Variants in KIF2A observed in about 807,000 individuals in gnomAD.
The protein encoded by KIF2A is kinesin-like protein KIF2A.
Under a neutral mutation model 100.2 loss-of-function variants are expected in KIF2A, and 22 were observed. That is an observed-to-expected ratio of 0.22 (90% confidence interval 0.16 to 0.31). KIF2A has a LOEUF of 0.31. Ranked by LOEUF, KIF2A falls within the 10% of genes least tolerant of loss-of-function variation. The pLI is 1.00. For missense variants in KIF2A, 495 were observed against 898.7 expected (o/e 0.55, Z 5.74); for synonymous variants, 268 against 285.9 (o/e 0.94, Z 0.63).
At chr5:62,313,178 T>C (rs888985339) in intron 1 of KIF2A, among the ~76,000 whole-genome samples, 4 of 152,232 alleles carry the variant, frequency 2.6e-5, no homozygotes, top group Non-Finnish European at 1.5e-5. Flanking sequence ...TTAGTACTGA[T>C]AGAAATATGC....
At chr5:62,310,898 T>G (rs1745522268) in intron 1 of KIF2A, among the ~76,000 whole-genome samples, 1 of 152,138 alleles carries the variant, frequency 6.6e-6, no homozygotes, top group Non-Finnish European at 1.5e-5. Context: ...TGTTAACAGT[T>G]CTGTAGTAGC....
chr5:62,353,301 G>T lies in KIF2A; in HGVS notation c.484G>T (p.Glu162Ter). The T allele has an allele frequency of 6.3e-7, 1 of 1,578,958 alleles. No homozygotes were observed. Among genetic ancestry groups the T allele is most frequent in the Non-Finnish European group, 8.6e-7 (1 of 1,166,170 alleles). The change falls in exon 6 of 21, where the codon GAA becomes TAA. Residue 162 changes from glutamate to a stop codon, truncating the protein, a stop_gained. Coordinates refer to ENST00000407818, the MANE Select transcript of KIF2A (RefSeq NM_001098511.3). LOFTEE classifies it high-confidence loss of function. ...ACGTAGAAAATCTAATTGTGTGAAAGAAGTAGAAAAACTGCAAGAAAAACG... is the reference window on the plus strand; with the variant it reads ...ACGTAGAAAATCTAATTGTGTGAAATAAGTAGAAAAACTGCAAGAAAAACG... ...PSRRKSNCVK[E>*]VEKLQEKREK... is the part of the protein sequence containing the mutation.
intron 1 of KIF2A, among the ~76,000 whole-genome samples, chr5:62,336,794 T>G (rs556729085): frequency 1.3e-5 from 2 of 152,154 alleles, no homozygotes; most frequent in African/African-American, 4.8e-5. Flanking sequence ...ATAGCAGAAA[T>G]TAAGTACATA....
At chr5:62,322,329 C>T (rs558818946) in intron 1 of KIF2A, among the ~76,000 whole-genome samples, 1 of 152,222 alleles carries the variant, frequency 6.6e-6, no homozygotes, top group East Asian at 1.9e-4. Flanking sequence ...TGAGGGTTGT[C>T]TTTTCCCTTT....
chr5:62,336,580 G>A (rs1168081874), intron 1 of KIF2A, among the ~76,000 whole-genome samples: 2 of 152,082 alleles, frequency 1.3e-5, no homozygotes, highest in African/African-American at 4.8e-5. Flanking sequence ...TAGAAAAATA[G>A]GTGGAACTGA....
chr5:62,384,776 T>A (rs1472755806), intron 20 of KIF2A, among the ~76,000 whole-genome samples: 1 of 152,058 alleles, frequency 6.6e-6, no homozygotes, highest in Non-Finnish European at 1.5e-5. Context: ...CAATCCCCCT[T>A]CCTCACAGTG....
chr5:62,361,881 G>C (rs1326776048), intron 11 of KIF2A, among the ~76,000 whole-genome samples: 1 of 151,764 alleles, frequency 6.6e-6, no homozygotes, highest in Non-Finnish European at 1.5e-5. Flanking sequence ...AAAAAACTTA[G>C]CCAGGCGTGG....
At chr5:62,381,706 A>G (rs1459747516) in intron 20 of KIF2A, among the ~76,000 whole-genome samples, 1 of 152,210 alleles carries the variant, frequency 6.6e-6, no homozygotes, top group African/African-American at 2.4e-5. Context: ...CTGGGACTAC[A>G]GGCGCAAGCC....
chr5:62,311,030 T>TA (rs1453081074), intron 1 of KIF2A, among the ~76,000 whole-genome samples: 1 of 152,188 alleles, frequency 6.6e-6, no homozygotes, highest in Non-Finnish European at 1.5e-5. Flanking sequence ...ACTGTATTGA[T>TA]ACATGTAATC....
At chr5:62,356,247 C>T (rs78993869) in intron 7 of KIF2A, among the ~76,000 whole-genome samples, 7 of 152,322 alleles carry the variant, frequency 4.6e-5, no homozygotes, top group African/African-American at 1.7e-4. Context: ...TTGTATCCCA[C>T]ATATTTTAGG....
chr5:62,352,906 A>C (rs554591402), intron 5 of KIF2A, 196 bp downstream of exon 5: 8 of 460,382 alleles, frequency 1.7e-5, no homozygotes, highest in Admixed American at 8.5e-5. Context: ...TTGGAGCAAA[A>C]ATTTTTTTGT....
At chr5:62,375,784 G>C (rs1445456109) in intron 18 of KIF2A, among the ~76,000 whole-genome samples, 1 of 152,126 alleles carries the variant, frequency 6.6e-6, no homozygotes, top group Non-Finnish European at 1.5e-5. Context: ...CACAACTAAG[G>C]TGATGCTGCT....
At chr5:62,365,487 A>T in intron 15 of KIF2A, 134 bp downstream of exon 15, 1 of 536,152 alleles carries the variant, frequency 1.9e-6, no homozygotes, top group Non-Finnish European at 3.3e-6. Context: ...GATATTTAAG[A>T]TGTGGTCCCT....
In KIF2A at chr5:62,390,918, C is replaced by T; in HGVS notation, c.*5349C>T. On this transcript the variant is annotated 3_prime_UTR_variant, in exon 21 of 21. Coordinates refer to ENST00000407818, the MANE Select transcript of KIF2A (RefSeq NM_001098511.3). ...GTCCATGGAACGGGCCCGTTTGTCA[C>T]TAAAACCTGTGCTGGTTAGGATTTG... 6.2e-7 allele frequency: 1 copy of T among 1,612,296 alleles called. No individual in the cohort carries two copies. Among genetic ancestry groups the T allele is most frequent in the East Asian group, 2.2e-5 (1 of 44,874 alleles).
Position 62,376,568 on chromosome 5 carries a change from C to T in KIF2A, c.1912-1093C>T, listed in dbSNP as rs141682324. ...CCGAGTAGCTGGGATTACAGGCGCA[C>T]ACCACCATGCCCAGCTAATTTTTTA... On this transcript the variant is annotated intron_variant, in intron 18 of 20. Transcript: ENST00000407818. 5.8e-3 allele frequency among the ~76,000 whole-genome samples: 886 copies of T among 151,850 alleles called. 5 individuals are homozygous for T. The highest frequency in any genetic ancestry group is 0.011 in the Admixed American group (166 of 15,246).
intron 18 of KIF2A, among the ~76,000 whole-genome samples, chr5:62,375,545 C>T (rs1179120621): frequency 6.6e-6 from 1 of 152,198 alleles, no homozygotes; most frequent in East Asian, 1.9e-4. Context: ...AACCTTGTAT[C>T]AATTAAACTC....
At chr5:62,361,360 G>C in intron 10 of KIF2A, 28 bp downstream of exon 10, 3 of 1,518,728 alleles carry the variant, frequency 2.0e-6, no homozygotes, top group Non-Finnish European at 2.7e-6. Context: ...GTTACATTCT[G>C]GTACGAAGCT....
At chr5:62,321,449 G>C (rs1463602330) in intron 1 of KIF2A, among the ~76,000 whole-genome samples, 1 of 152,026 alleles carries the variant, frequency 6.6e-6, no homozygotes, top group Non-Finnish European at 1.5e-5. Flanking sequence ...TTTTATTATA[G>C]CCGTCCTGGT....
chr5:62,345,242 G>T (rs534482552), intron 1 of KIF2A, among the ~76,000 whole-genome samples: 1 of 152,258 alleles, frequency 6.6e-6, no homozygotes, highest in African/African-American at 2.4e-5. Flanking sequence ...ACAAAAATTA[G>T]CCCATTGTGG....
Sources: allele counts gnomAD v4.1 joint callset (sites outside exome capture counted in the v4.1 genomes callset), GRCh38; gene constraint gnomAD v4.1.1; transcripts MANE v1.5; gene names NCBI Gene and HGNC (gene_info 2026-07-23, HGNC 2026-07-21).